Variants in OPCML observed in about 807,000 individuals in gnomAD.
OPCML encodes opioid binding protein/cell adhesion molecule like, also known as opioid-binding protein/cell adhesion molecule.
In OPCML, 13 loss-of-function variants were observed where a neutral mutation model predicts 37.8. The observed-to-expected ratio is 0.34, with a 90% CI of 0.22 to 0.55. The LOEUF (loss-of-function observed/expected upper bound fraction) is 0.55, where lower values mean the gene tolerates loss of function less well. OPCML is among the 20% of genes least tolerant of loss of function. The probability of loss-of-function intolerance (pLI) is 0.91; values close to 1 mark genes in which losing one functional copy is unlikely to be tolerated. For synonymous variants in OPCML, 176 were observed against 168.8 expected, an observed-to-expected ratio of 1.04 and a Z score of -0.33; for missense variants, 341 against 435.6, an observed-to-expected ratio of 0.78 and a Z score of 1.93.
At chr11:132,854,074 A>T (rs1941938628) in intron 2 of OPCML, among the ~76,000 whole-genome samples, 1 of 152,238 alleles carries the variant, frequency 6.6e-6, no homozygotes, top group Non-Finnish European at 1.5e-5. Context: ...TTGGTCTGAC[A>T]AACAACTATA....
At chr11:132,850,737 AG>A (rs1454529184) in intron 2 of OPCML, among the ~76,000 whole-genome samples, 1 of 152,210 alleles carries the variant, frequency 6.6e-6, no homozygotes, top group African/African-American at 2.4e-5. Flanking sequence ...CAGTCAACTA[AG>A]CTTAAATTCA....
intron 2 of OPCML, among the ~76,000 whole-genome samples, chr11:132,834,620 G>A (rs12801048): frequency 0.27 from 41,112 of 152,110 alleles, 5,799 homozygotes; most frequent in Non-Finnish European, 0.29. Context: ...CTCTGAGTCT[G>A]TGTCTTCACA....
intron 1 of OPCML, among the ~76,000 whole-genome samples, chr11:133,481,440 T>TAAAA (rs1337812464): frequency 9.3e-6 from 1 of 107,812 alleles, no homozygotes; most frequent in Non-Finnish European, 2.1e-5. Flanking sequence ...TCTCCCCAGT[T>TAAAA]AAAAAAATAA....
intron 1 of OPCML, among the ~76,000 whole-genome samples, chr11:132,947,512 C>CA (rs548576141): frequency 7.4e-4 from 112 of 152,282 alleles, no homozygotes; most frequent in African/African-American, 2.5e-3. Context: ...GAAATGACTG[C>CA]AAAGGTCTCA....
chr11:132,511,801 G>GA (rs1191801493), intron 4 of OPCML, among the ~76,000 whole-genome samples: 3 of 144,028 alleles, frequency 2.1e-5, no homozygotes, highest in African/African-American at 2.5e-5. Context: ...AAAACATCTA[G>GA]AAAAAAAACA....
At chr11:132,543,066 G>C (rs202246288) in intron 3 of OPCML, among the ~76,000 whole-genome samples, 5 of 146,510 alleles carry the variant, frequency 3.4e-5, no homozygotes, top group African/African-American at 5.1e-5. Context: ...GTGGGAAGAG[G>C]GGAAAGGGTC....
At chr11:132,993,829 G>A (rs77782522) in intron 1 of OPCML, among the ~76,000 whole-genome samples, 11,819 of 151,838 alleles carry the variant, frequency 0.078, 750 homozygotes, top group East Asian at 0.23. Flanking sequence ...CCCCCACCCC[G>A]GAATCTGAGG....
Position 133,474,503 on chromosome 11 carries a change from T to G in OPCML, c.61+57761A>C, listed in dbSNP as rs978786794. Among the ~76,000 whole-genome samples the G allele has an allele frequency of 2.0e-5, 3 of 152,184 alleles. 1 individual carries two copies. The highest frequency in any genetic ancestry group is 2.4e-5 in the African/African-American group (1 of 41,450). On this transcript the variant is annotated intron_variant, in intron 1 of 7. Transcript: ENST00000524381. The stretch of plus-strand genomic sequence containing the variant: ...ATTACAGTCTCATGTAGAAGAAGAA[T>G]AAGAAATAGACGAGTTTCCTGAACT...
At chr11:132,828,794 G>A (rs1290801102) in intron 2 of OPCML, among the ~76,000 whole-genome samples, 12 of 152,190 alleles carry the variant, frequency 7.9e-5, no homozygotes, top group Non-Finnish European at 1.8e-4. Flanking sequence ...ATTGAGAGAT[G>A]ACAGGATGCT....
At chr11:133,075,824 G>A (rs1565433652) in intron 1 of OPCML, among the ~76,000 whole-genome samples, 1 of 152,164 alleles carries the variant, frequency 6.6e-6, no homozygotes, top group Non-Finnish European at 1.5e-5. Context: ...CTGGGCTCTT[G>A]GATTCCTAAG....
chr11:133,059,908 T>C (rs1043541389), intron 1 of OPCML, among the ~76,000 whole-genome samples: 2 of 152,226 alleles, frequency 1.3e-5, no homozygotes, highest in Admixed American at 1.3e-4. Flanking sequence ...AATGTGAGCT[T>C]TCAGGTAAAG....
intron 3 of OPCML, among the ~76,000 whole-genome samples, chr11:132,560,937 A>C (rs2096409339): frequency 6.6e-6 from 1 of 152,090 alleles, no homozygotes; most frequent in African/African-American, 2.4e-5. Context: ...CTATCTATTT[A>C]TCTTTGTTTT....
At chr11:133,319,758 C>T (rs1943286569) in intron 1 of OPCML, among the ~76,000 whole-genome samples, 1 of 152,208 alleles carries the variant, frequency 6.6e-6, no homozygotes. Flanking sequence ...ATGCCAGTGT[C>T]ACAGTGGAAC....
At chr11:132,515,127 C>T (rs533582963) in intron 4 of OPCML, among the ~76,000 whole-genome samples, 4 of 152,254 alleles carry the variant, frequency 2.6e-5, no homozygotes, top group Non-Finnish European at 5.9e-5. Context: ...GGACTAGTGG[C>T]TCTGTTTATA....
chr11:132,535,087 TTAA>T (rs1436257678), intron 3 of OPCML, among the ~76,000 whole-genome samples: 1 of 148,830 alleles, frequency 6.7e-6, no homozygotes, highest in Non-Finnish European at 1.5e-5. Flanking sequence ...TATATTATAT[TTAA>T]TAATATAGTA....
intron 1 of OPCML, among the ~76,000 whole-genome samples, chr11:133,045,917 C>T (rs769791282): frequency 1.1e-4 from 16 of 152,142 alleles, no homozygotes; most frequent in East Asian, 3.9e-4. Flanking sequence ...TGCCTGTAGC[C>T]AAGCAAGAGG....
At chr11:132,793,839 C>T (rs549653673) in intron 2 of OPCML, among the ~76,000 whole-genome samples, 1 of 152,272 alleles carries the variant, frequency 6.6e-6, no homozygotes, top group African/African-American at 2.4e-5. Flanking sequence ...CCTAAGTGTC[C>T]TGGCTTCAGA....
At chr11:133,234,439 T>C (rs1338139818) in intron 1 of OPCML, among the ~76,000 whole-genome samples, 1 of 152,166 alleles carries the variant, frequency 6.6e-6, no homozygotes, top group Non-Finnish European at 1.5e-5. Context: ...TAATGATTCA[T>C]TACAAACATG....
chr11:133,175,963 G>A (rs10894656), intron 1 of OPCML, among the ~76,000 whole-genome samples: 19,716 of 152,104 alleles, frequency 0.13, 1,446 homozygotes, highest in Admixed American at 0.19. Context: ...TTATGGGAAA[G>A]CAGTATTTTT....
Sources: allele counts gnomAD v4.1 joint callset (sites outside exome capture counted in the v4.1 genomes callset), GRCh38; gene constraint gnomAD v4.1.1; transcripts MANE v1.5; gene names NCBI Gene and HGNC (gene_info 2026-07-23, HGNC 2026-07-21).